The following GRM8 variants were observed in gnomAD, a reference collection of about 807,000 sequenced individuals.
The protein encoded by GRM8 is glutamate metabotropic receptor 8, also known as metabotropic glutamate receptor 8.
GRM8 carries 47 observed loss-of-function variants against 87.2 expected under a neutral mutation model. The ratio of observed to expected loss-of-function variants is 0.54; its 90% CI spans 0.43 to 0.69. The LOEUF is 0.69. Among genes scored for constraint, GRM8 ranks in the 30% least tolerant of loss-of-function variants. The pLI, the probability that GRM8 is intolerant of heterozygous loss-of-function variation, is 0.00. For synonymous variants in GRM8, 396 were observed against 404.5 expected (o/e 0.98, Z 0.25); for missense variants, 1,019 against 1,139.2 (o/e 0.89, Z 1.52).
chr7:126,811,504 G>T (rs1793289643), intron 6 of GRM8, among the ~76,000 whole-genome samples: 1 of 151,890 alleles, frequency 6.6e-6, no homozygotes, highest in Non-Finnish European at 1.5e-5. Flanking sequence ...AGAATAGGAT[G>T]TTGTTCCATT....
At chr7:126,725,243 G>A (rs113431782) in intron 7 of GRM8, among the ~76,000 whole-genome samples, 8 of 152,268 alleles carry the variant, frequency 5.3e-5, no homozygotes, top group African/African-American at 1.7e-4. Context: ...GAATAATCAC[G>A]TACATAAATA....
chr7:126,597,995 G>A (rs1467088986), intron 8 of GRM8, among the ~76,000 whole-genome samples: 2 of 151,842 alleles, frequency 1.3e-5, no homozygotes, highest in South Asian at 2.1e-4. Context: ...ATCCTATAGT[G>A]CTATTGAACA....
chr7:126,584,356 C>T (rs1795896522), intron 8 of GRM8, among the ~76,000 whole-genome samples: 1 of 152,040 alleles, frequency 6.6e-6, no homozygotes, highest in South Asian at 2.1e-4. Flanking sequence ...TCCTGAGTAC[C>T]TAGAATTACA....
intron 7 of GRM8, among the ~76,000 whole-genome samples, chr7:126,734,498 C>T (rs1262248437): frequency 2.0e-5 from 3 of 150,954 alleles, no homozygotes; most frequent in Non-Finnish European, 4.4e-5. Context: ...CTTAATATTT[C>T]ATATTATTAC....
rs1209933810 is a variant in GRM8, at chr7:126,685,259, G to C, written c.1358-75761C>G. Among the ~76,000 whole-genome samples, 2 of 152,168 alleles carry C rather than the reference G, an allele frequency of 1.3e-5. No individual in the cohort carries two copies. The highest frequency in any genetic ancestry group is 2.9e-5 in the Non-Finnish European group (2 of 68,024). On this transcript the variant is annotated intron_variant, in intron 7 of 10. Transcript: ENST00000339582. This position sits in a 1 kb window ranked among gnomAD's most constrained non-coding sequence, Gnocchi z 4.2. Reference sequence around the variant, plus strand: ...CACCATGATGGGGCCGGGCCAAGTTGCCTACAGGCAGGGGAACAATGTGGT... The same window carrying C: ...CACCATGATGGGGCCGGGCCAAGTTCCCTACAGGCAGGGGAACAATGTGGT...
At chr7:126,583,470 A>G (rs1795809056) in intron 8 of GRM8, among the ~76,000 whole-genome samples, 1 of 152,192 alleles carries the variant, frequency 6.6e-6, no homozygotes, top group Non-Finnish European at 1.5e-5. Context: ...TGGAGAAAAT[A>G]CATTGAAAAC....
At chr7:127,032,320 A>G (rs17867095) in intron 3 of GRM8, among the ~76,000 whole-genome samples, 42 of 152,152 alleles carry the variant, frequency 2.8e-4, no homozygotes, top group African/African-American at 9.1e-4. Flanking sequence ...GTGCATTGCT[A>G]TTTCCCTCAG....
chr7:127,081,967 G>T (rs1822918619), intron 3 of GRM8: 2 of 152,276 alleles, frequency 1.3e-5, no homozygotes, highest in Admixed American at 6.5e-5. Context: ...CTTGGCCTCA[G>T]AAAGAACCTC....
intron 6 of GRM8, among the ~76,000 whole-genome samples, chr7:126,871,083 C>T (rs1799055956): frequency 6.6e-6 from 1 of 152,032 alleles, no homozygotes; most frequent in South Asian, 2.1e-4. Context: ...AAGAAGAAAT[C>T]ATAGGAAAGA....
chr7:127,105,083 T>G (rs1479961889), intron 3 of GRM8, among the ~76,000 whole-genome samples: 1 of 152,202 alleles, frequency 6.6e-6, no homozygotes, highest in Non-Finnish European at 1.5e-5. Context: ...AGAACTGACA[T>G]CAGCTGCTTA....
At chr7:126,532,131 C>T (rs1434776861) in intron 9 of GRM8, among the ~76,000 whole-genome samples, 1 of 152,216 alleles carries the variant, frequency 6.6e-6, no homozygotes, top group African/African-American at 2.4e-5. Flanking sequence ...CAACATCCAA[C>T]CCAGCAAACA....
At chr7:126,943,689 C>A (rs1230479797) in intron 3 of GRM8, among the ~76,000 whole-genome samples, 3 of 152,164 alleles carry the variant, frequency 2.0e-5, no homozygotes, top group African/African-American at 7.2e-5. Flanking sequence ...CTCATTGACG[C>A]CGTGTATGTG....
At chr7:126,451,195 C>T (rs1180678981) in intron 9 of GRM8, among the ~76,000 whole-genome samples, 1 of 151,808 alleles carries the variant, frequency 6.6e-6, no homozygotes, top group Non-Finnish European at 1.5e-5. Context: ...TGCCTGACAG[C>T]ATCTGAAACT....
At chr7:127,118,233 C>T (rs1826818237) in intron 2 of GRM8, 1 of 152,150 alleles carries the variant, frequency 6.6e-6, no homozygotes, top group Admixed American at 6.5e-5. Context: ...GGGGAAAACC[C>T]ACTCCATTTG....
chr7:127,043,144 G>A (rs1177266274), intron 3 of GRM8, among the ~76,000 whole-genome samples: 1 of 152,192 alleles, frequency 6.6e-6, no homozygotes. Context: ...TGGAGAAATA[G>A]GAACACTTTT....
At chr7:126,443,413 G>C (rs77634901) in intron 10 of GRM8, among the ~76,000 whole-genome samples, 4,307 of 152,052 alleles carry the variant, frequency 0.028, 214 homozygotes, top group African/African-American at 0.098. Context: ...CTTGAACACA[G>C]ATCTACCCTT....
At chr7:126,448,514 G>C (rs1402073290) in intron 9 of GRM8, among the ~76,000 whole-genome samples, 1 of 151,850 alleles carries the variant, frequency 6.6e-6, no homozygotes, top group Non-Finnish European at 1.5e-5. Context: ...ACATGAAGAG[G>C]ACTTTGGAAT....
intron 9 of GRM8, among the ~76,000 whole-genome samples, chr7:126,474,501 T>C (rs1196015364): frequency 6.6e-6 from 1 of 152,136 alleles, no homozygotes; most frequent in African/African-American, 2.4e-5. Flanking sequence ...ATTCTTGGGC[T>C]CAAATAATCT....
chr7:126,844,347 C>T (rs1164097562), intron 6 of GRM8, among the ~76,000 whole-genome samples: 2 of 152,102 alleles, frequency 1.3e-5, no homozygotes, highest in Non-Finnish European at 2.9e-5. Flanking sequence ...TTTTAACAAG[C>T]ATTCTGAAAG....
Sources: allele counts gnomAD v4.1 joint callset (sites outside exome capture counted in the v4.1 genomes callset), GRCh38; gene constraint gnomAD v4.1.1; non-coding constraint Gnocchi (gnomAD v3.1); transcripts MANE v1.5; gene names NCBI Gene and HGNC (gene_info 2026-07-23, HGNC 2026-07-21).